DLG2: variants seen among roughly 807,000 people sequenced by gnomAD.
DLG2 encodes the protein disks large homolog 2.
A neutral mutation model predicts 132.5 loss-of-function variants in DLG2; 45 were observed. The observed-to-expected ratio is 0.34, with a 90% CI of 0.27 to 0.44. The LOEUF (loss-of-function observed/expected upper bound fraction) is 0.44, where lower values mean the gene tolerates loss of function less well. DLG2 is among the 20% of genes least tolerant of loss of function. DLG2 has a pLI of 1.00. For synonymous variants in DLG2, 424 were observed against 419.6 expected (o/e 1.01, Z -0.13); for missense variants, 1,045 against 1,196.9 (o/e 0.87, Z 1.87).
intron 6 of DLG2, among the ~76,000 whole-genome samples, chr11:84,670,678 G>T (rs1175050748): frequency 6.6e-6 from 1 of 152,094 alleles, no homozygotes; most frequent in Non-Finnish European, 1.5e-5. Flanking sequence ...TCCATTTACA[G>T]ATGAGGAAAC....
intron 6 of DLG2, among the ~76,000 whole-genome samples, chr11:84,816,710 G>A (rs1490100326): frequency 6.6e-6 from 1 of 151,856 alleles, no homozygotes; most frequent in Non-Finnish European, 1.5e-5. Flanking sequence ...CACATTGCTA[G>A]TAAATAATGA....
intron 6 of DLG2, among the ~76,000 whole-genome samples, chr11:84,553,743 G>A (rs772768357): frequency 6.6e-6 from 1 of 152,120 alleles, no homozygotes; most frequent in Non-Finnish European, 1.5e-5. Context: ...AGTCTTAAAC[G>A]GTTGTGTTAG....
At chr11:85,174,223 A>G (rs1272860663) in intron 4 of DLG2, among the ~76,000 whole-genome samples, 1 of 152,230 alleles carries the variant, frequency 6.6e-6, no homozygotes, top group Non-Finnish European at 1.5e-5. Flanking sequence ...AAATGGAAGT[A>G]AAACACCCTT....
chr11:84,846,621 T>C (rs1249905654), intron 6 of DLG2, among the ~76,000 whole-genome samples: 21 of 152,168 alleles, frequency 1.4e-4, no homozygotes, highest in Admixed American at 1.4e-3. Flanking sequence ...TAACGTGTGG[T>C]AGCTGGTTTC....
intron 14 of DLG2, among the ~76,000 whole-genome samples, chr11:83,959,334 T>C (rs2154154221): frequency 6.6e-6 from 1 of 152,234 alleles, no homozygotes; most frequent in East Asian, 1.9e-4. Context: ...GAAACATTTA[T>C]TACAATAGAT....
Position 84,251,297 on chromosome 11 carries a change from A to G in DLG2, c.520-6T>C. On this transcript the variant is annotated splice_region_variant and splice_polypyrimidine_tract_variant and intron_variant, in intron 7 of 27. Coordinates refer to ENST00000376104, the MANE Select transcript of DLG2 (RefSeq NM_001142699.3). ...ATTATAGGAGCAGGACTGGCCTGAA[A>G]AAAGAAATAGAAAAAAAATTAAATA... 6.4e-7 allele frequency: 1 copy of G among 1,573,626 alleles called. No homozygotes were observed. The highest frequency in any genetic ancestry group is 8.6e-7 in the Non-Finnish European group (1 of 1,163,708).
chr11:84,746,852 C>T (rs1432462975), intron 6 of DLG2, among the ~76,000 whole-genome samples: 1 of 152,112 alleles, frequency 6.6e-6, no homozygotes, highest in African/African-American at 2.4e-5. Context: ...GGTGTATCCT[C>T]AGGAAGGTAG....
chr11:84,984,123 G>C (rs1056201931), intron 6 of DLG2, among the ~76,000 whole-genome samples: 2 of 152,168 alleles, frequency 1.3e-5, no homozygotes, highest in Non-Finnish European at 2.9e-5. Flanking sequence ...GGCCTTGCTA[G>C]AGACCTAGAC....
At chr11:85,225,757 C>T (rs1304276930) in intron 4 of DLG2, among the ~76,000 whole-genome samples, 1 of 152,106 alleles carries the variant, frequency 6.6e-6, no homozygotes, top group Admixed American at 6.6e-5. Flanking sequence ...GAGGTAGTCT[C>T]AAACATCCCT....
chr11:84,135,098 G>C (rs1051158445), intron 9 of DLG2, among the ~76,000 whole-genome samples: 1 of 152,020 alleles, frequency 6.6e-6, no homozygotes, highest in Admixed American at 6.6e-5. Context: ...TAAAATATAA[G>C]CTTTCTGAGA....
At chr11:84,556,096 C>A (rs1160499343) in intron 6 of DLG2, among the ~76,000 whole-genome samples, 1 of 152,222 alleles carries the variant, frequency 6.6e-6, no homozygotes, top group African/African-American at 2.4e-5. Context: ...AACCCTCCAA[C>A]ATCTTTTCTC....
intron 2 of DLG2, 24 bp from the exon 3 acceptor site, chr11:85,598,812 A>G: frequency 4.5e-6 from 3 of 667,876 alleles, no homozygotes; most frequent in Non-Finnish European, 6.9e-6. Context: ...TATTATTATT[A>G]TATTTTATGG....
chr11:85,017,664 A>G (rs17147910), intron 6 of DLG2, among the ~76,000 whole-genome samples: 7 of 152,164 alleles, frequency 4.6e-5, no homozygotes, highest in African/African-American at 1.7e-4. Flanking sequence ...CTATTCCAGT[A>G]TGAGAAAAGT....
intron 6 of DLG2, among the ~76,000 whole-genome samples, chr11:84,931,668 G>C (rs1242406744): frequency 6.6e-6 from 1 of 152,124 alleles, no homozygotes; most frequent in East Asian, 1.9e-4. Flanking sequence ...CTGTCTTGAG[G>C]TCTTTGAGGA....
intron 16 of DLG2, among the ~76,000 whole-genome samples, chr11:83,849,641 C>A (rs994876787): frequency 1.3e-5 from 2 of 151,822 alleles, no homozygotes; most frequent in African/African-American, 2.4e-5. Context: ...CACAGGAAAA[C>A]ATGGCCAGAA....
At chr11:84,593,014 G>A (rs1477945135) in intron 6 of DLG2, among the ~76,000 whole-genome samples, 5 of 149,300 alleles carry the variant, frequency 3.3e-5, no homozygotes, top group East Asian at 2.0e-4. Flanking sequence ...AGCTCCTCGG[G>A]AGGGTGAGGC....
At chr11:85,392,026 T>C (rs1214223577) in intron 3 of DLG2, among the ~76,000 whole-genome samples, 3 of 152,094 alleles carry the variant, frequency 2.0e-5, no homozygotes, top group Admixed American at 6.6e-5. Context: ...TGTGATTACA[T>C]ACCTAGAAAA....
intron 6 of DLG2, among the ~76,000 whole-genome samples, chr11:84,956,026 G>A (rs1267891865): frequency 1.3e-5 from 2 of 152,124 alleles, no homozygotes; most frequent in East Asian, 3.9e-4. Context: ...CAGAATAAGG[G>A]CCGGCAAGGA....
chr11:84,577,595 G>A (rs1052718817), intron 6 of DLG2, among the ~76,000 whole-genome samples: 2 of 151,996 alleles, frequency 1.3e-5, no homozygotes, highest in African/African-American at 4.8e-5. Flanking sequence ...GATGATTTAG[G>A]GTATCTGACG....
Sources: gnomAD v4.1 joint callset for allele counts (sites outside exome capture counted in the v4.1 genomes callset) on GRCh38, gnomAD v4.1.1 for gene constraint, MANE v1.5 for transcripts, NCBI Gene and HGNC (gene_info 2026-07-23, HGNC 2026-07-21) for gene names.